WASF3: variants seen among roughly 807,000 people sequenced by gnomAD.
WASF3 encodes actin-binding protein WASF3.
Under a neutral mutation model 46.6 loss-of-function variants are expected in WASF3, and 11 were observed. That is an observed-to-expected ratio of 0.24 (90% CI 0.15 to 0.39). The LOEUF (loss-of-function observed/expected upper bound fraction) is 0.39. Ranked by LOEUF, WASF3 falls within the 10% of genes least tolerant of loss-of-function variation. The probability of loss-of-function intolerance (pLI) is 1.00; values close to 1 mark genes in which losing one functional copy is unlikely to be tolerated. For missense variants in WASF3, 576 were observed against 669.8 expected, an observed-to-expected ratio of 0.86 and a Z score of 1.55; for synonymous variants, 242 against 259.7, an observed-to-expected ratio of 0.93 and a Z score of 0.65.
chr13:26,622,553 T>C (rs1209482475), intron 2 of WASF3: 3 of 152,184 alleles, frequency 2.0e-5, no homozygotes, highest in African/African-American at 7.2e-5. Context: ...AATAGTCTGC[T>C]CTCTTTGGGG....
intron 1 of WASF3, among the ~76,000 whole-genome samples, chr13:26,601,769 G>A (rs1283152980): frequency 6.6e-6 from 1 of 152,172 alleles, no homozygotes; most frequent in Admixed American, 6.5e-5. Context: ...TGATATATTG[G>A]CCACTGGCCT....
upstream of WASF3, chr13:26,557,640 C>T (rs1057184167): frequency 8.9e-5 from 14 of 157,766 alleles, no homozygotes; most frequent in Non-Finnish European, 1.7e-4. Context: ...CCCCCTCCTG[C>T]TCCGGCCGAG....
chr13:26,556,642 G>T (rs907767107), upstream of WASF3, among the ~76,000 whole-genome samples: 5 of 152,138 alleles, frequency 3.3e-5, no homozygotes, highest in Non-Finnish European at 5.9e-5. Context: ...TTTTTCTACT[G>T]CATTTCTGGT....
chr13:26,628,863 G>A (rs1475448530), intron 2 of WASF3, among the ~76,000 whole-genome samples: 3 of 152,174 alleles, frequency 2.0e-5, no homozygotes, highest in East Asian at 1.9e-4. Context: ...AGCCCTAGGC[G>A]CCTAAGCCCA....
At chr13:26,591,883 TG>T (rs1001811484) in intron 1 of WASF3, among the ~76,000 whole-genome samples, 7 of 152,158 alleles carry the variant, frequency 4.6e-5, no homozygotes, top group Non-Finnish European at 8.8e-5. Context: ...GACTATTACT[TG>T]GTCACCCCTT....
At position 26,671,569 on chromosome 13, in the gene WASF3, A is replaced by C. The variant is rs1882925034; in HGVS notation, c.423-303A>C. Reference sequence around the variant, plus strand: ...CAAAAAATTTCCTGAAGTGATTGAGATATTATAAATTGCTGAATATGAGTC... The same window carrying C: ...CAAAAAATTTCCTGAAGTGATTGAGCTATTATAAATTGCTGAATATGAGTC... On this transcript the variant is annotated intron_variant, in intron 5 of 9. Transcript: ENST00000335327. 2.0e-5 allele frequency among the ~76,000 whole-genome samples: 3 copies of C among 152,088 alleles called. No homozygotes were observed. In the South Asian group the frequency reaches 6.2e-4, roughly 32 times the overall value.
At position 26,615,973 on chromosome 13, in the gene WASF3, A is replaced by G. The variant is rs138873613; in HGVS notation, c.-11+2915A>G. Among the ~76,000 whole-genome samples the G allele has an allele frequency of 4.1e-3, 630 of 151,938 alleles. 2 individuals are homozygous for G. The highest frequency in any genetic ancestry group is 0.014 in the African/African-American group (592 of 41,206). On this transcript the variant is annotated intron_variant, in intron 2 of 9. Coordinates refer to ENST00000335327, the MANE Select transcript of WASF3 (RefSeq NM_006646.6). ...TCATTCCATGTTATCATTGAATAGT[A>G]CCTCACTGTATGGATGTAATGCAGT...
At chr13:26,587,693 A>C (rs1880172362) in intron 1 of WASF3, among the ~76,000 whole-genome samples, 2 of 152,178 alleles carry the variant, frequency 1.3e-5, no homozygotes, top group Non-Finnish European at 2.9e-5. Flanking sequence ...ATGGGAGAAG[A>C]CAATCAAGGG....
At position 26,600,705 on chromosome 13, in the gene WASF3, C is replaced by A. The variant is rs145232160; in HGVS notation, c.-108-12256C>A. ...CTGGAGGCCAGATGTTTTAGCTCCTCTTTCATGACTTTAATCTTGTGTTGG... is the reference window on the plus strand; with the variant it reads ...CTGGAGGCCAGATGTTTTAGCTCCTATTTCATGACTTTAATCTTGTGTTGG... On this transcript the variant is annotated intron_variant, in intron 1 of 9. Transcript: ENST00000335327. 9.5e-4 allele frequency among the ~76,000 whole-genome samples: 145 copies of A among 152,340 alleles called. 1 individual carries two copies. Among genetic ancestry groups the A allele is most frequent in the African/African-American group, 3.4e-3 (141 of 41,586 alleles).
intron 5 of WASF3, 89 bp downstream of exon 5, chr13:26,667,759 G>A: frequency 7.9e-7 from 1 of 1,264,508 alleles, no homozygotes; most frequent in Non-Finnish European, 1.1e-6. Flanking sequence ...GTGTGGGAAT[G>A]TCCTTGATGG....
chr13:26,652,537 C>T (rs1350367429), intron 3 of WASF3, among the ~76,000 whole-genome samples: 1 of 152,080 alleles, frequency 6.6e-6, no homozygotes, highest in East Asian at 1.9e-4. Context: ...CTTTGTATAC[C>T]AAACTCCCAA....
chr13:26,632,445 G>A lies in WASF3; in HGVS notation c.-10-9816G>A, dbSNP rs553465937. 1.1e-4 allele frequency among the ~76,000 whole-genome samples: 17 copies of A among 152,208 alleles called. No individual in the cohort carries two copies. In the South Asian group the frequency reaches 3.1e-3, roughly 28 times the overall value. On this transcript the variant is annotated intron_variant, in intron 2 of 9. Transcript: ENST00000335327. ...TTGAGGTAATCATGTGGTTTTTGTC[G>A]TTGGTTCTGTGTATGTGATGGATTA...
chr13:26,587,124 A>AG (rs1555248569), intron 1 of WASF3, among the ~76,000 whole-genome samples: 5 of 147,418 alleles, frequency 3.4e-5, no homozygotes, highest in Non-Finnish European at 7.5e-5. Flanking sequence ...AAAAAAAAAA[A>AG]GGAAGAAGAA....
At chr13:26,671,773 T>A (rs1882930714) in intron 5 of WASF3, 99 bp from the exon 6 acceptor site, 1 of 757,508 alleles carries the variant, frequency 1.3e-6, no homozygotes, top group Non-Finnish European at 2.1e-6. Context: ...CCCATGTAGA[T>A]GTTATAATTT....
chr13:26,638,383 C>T (rs1387093931), intron 2 of WASF3: 1 of 152,152 alleles, frequency 6.6e-6, no homozygotes, highest in Non-Finnish European at 1.5e-5. Context: ...AGACATTTCC[C>T]AGAAAAGCTG....
At chr13:26,565,185 GA>G (rs58508606) in intron 1 of WASF3, among the ~76,000 whole-genome samples, 29 of 138,986 alleles carry the variant, frequency 2.1e-4, no homozygotes, top group Admixed American at 2.9e-4. Context: ...GTCTCAGAAA[GA>G]AAAAAAAAAA....
At position 26,688,540 on chromosome 13, in the gene WASF3, C is replaced by T. The variant is rs1883481244; in HGVS notation, c.*2695C>T. 6.6e-6 allele frequency: 1 copy of T among 152,224 alleles called. No individual in the cohort carries two copies. Among genetic ancestry groups the T allele is most frequent in the Admixed American group, 6.5e-5 (1 of 15,282 alleles). 9.4% of individuals were successfully genotyped at this position (152,224 alleles called of 1,614,324 possible). ...GCAAGTGAGTTTGCACTGTCAGCCC[C>T]AGACCGTAAGCTTGGCTACACTGAT... is the stretch of plus-strand genomic sequence containing the variant. On this transcript the variant is annotated 3_prime_UTR_variant, in exon 10 of 10. Transcript: ENST00000335327.
Position 26,688,621 on chromosome 13 carries a change from T to G in WASF3, c.*2776T>G, listed in dbSNP as rs948238231. 10 of 152,374 alleles carry G rather than the reference T, an allele frequency of 6.6e-5. No homozygotes were observed. Among genetic ancestry groups the G allele is most frequent in the African/African-American group, 2.2e-4 (9 of 41,594 alleles). 9.4% of individuals were successfully genotyped at this position (152,374 alleles called of 1,614,324 possible). ...ATTAACATTTTCATCTCAGTAAGTTTTTAGAACATCAAAATGTTTTCTGAG... is the reference window on the plus strand; with the variant it reads ...ATTAACATTTTCATCTCAGTAAGTTGTTAGAACATCAAAATGTTTTCTGAG... On this transcript the variant is annotated 3_prime_UTR_variant, in exon 10 of 10. Coordinates refer to ENST00000335327, the MANE Select transcript of WASF3 (RefSeq NM_006646.6).
At chr13:26,591,950 G>T (rs185049620) in intron 1 of WASF3, among the ~76,000 whole-genome samples, 16 of 151,870 alleles carry the variant, frequency 1.1e-4, no homozygotes, top group African/African-American at 3.9e-4. Context: ...AGTGCACTCA[G>T]CTGTTATTTC....
Sources: allele counts gnomAD v4.1 joint callset (sites outside exome capture counted in the v4.1 genomes callset), GRCh38; gene constraint gnomAD v4.1.1; transcripts MANE v1.5; gene names NCBI Gene and HGNC (gene_info 2026-07-23, HGNC 2026-07-21).